ST3GAL2: variants seen among roughly 807,000 people sequenced by gnomAD.
ST3GAL2 encodes CMP-N-acetylneuraminate-beta-galactosamide-alpha-2,3-sialyltransferase 2.
In ST3GAL2, 16 loss-of-function variants were observed where a neutral mutation model predicts 37.5. The ratio of observed to expected loss-of-function variants is 0.43; its 90% CI spans 0.29 to 0.65. ST3GAL2 has a LOEUF of 0.65. Among genes scored for constraint, ST3GAL2 ranks in the 30% least tolerant of loss-of-function variants. The pLI is 0.17. For missense variants in ST3GAL2, 383 were observed against 487.8 expected (o/e 0.79, Z 2.02); for synonymous variants, 238 against 202.9 (o/e 1.17, Z -1.47).
At chr16:70,386,180 C>T (rs898424611) in intron 4 of ST3GAL2, among the ~76,000 whole-genome samples, 5 of 151,818 alleles carry the variant, frequency 3.3e-5, no homozygotes, top group African/African-American at 1.2e-4. Flanking sequence ...GCCACCACAC[C>T]CAGCTAGTTT....
chr16:70,383,320 G>A, intron 4 of ST3GAL2, 85 bp from the exon 5 acceptor site: 1 of 1,370,756 alleles, frequency 7.3e-7, no homozygotes, highest in South Asian at 1.3e-5. Flanking sequence ...GGAGGCTGAG[G>A]CAGGTGGATC....
At position 70,398,571 on chromosome 16, in the gene ST3GAL2, T is replaced by A. The variant is rs776343416; in HGVS notation, c.-41A>T. 9.8e-6 allele frequency: 15 copies of A among 1,528,906 alleles called. No individual in the cohort carries two copies. In the South Asian group the frequency reaches 1.8e-4, roughly 18 times the overall value. The allele number at this position is 1,528,906 out of a possible 1,614,324, so 94.7% of individuals were successfully genotyped here. On this transcript the variant is annotated 5_prime_UTR_variant, in exon 2 of 7. It introduces an in-frame stop codon into an upstream open reading frame of the 5' UTR. Transcript: ENST00000342907. ...GTGACGGTCACCGTGGCCACTCTTT[T>A]CCCAGCCCGCTGAGGGGCCAGCCAC...
chr16:70,394,367 G>A (rs945358423), intron 3 of ST3GAL2, among the ~76,000 whole-genome samples: 3 of 152,120 alleles, frequency 2.0e-5, no homozygotes, highest in Non-Finnish European at 4.4e-5. Flanking sequence ...GGAGGACAGG[G>A]CCGGCTTCTG....
At chr16:70,430,278 C>G (rs1445449304) in intron 1 of ST3GAL2, among the ~76,000 whole-genome samples, 4 of 152,372 alleles carry the variant, frequency 2.6e-5, no homozygotes, top group African/African-American at 7.2e-5. Flanking sequence ...ATACCTCAGC[C>G]AGGTCTGAAG....
chr16:70,433,048 C>T (rs528393711), intron 1 of ST3GAL2, among the ~76,000 whole-genome samples: 4 of 152,364 alleles, frequency 2.6e-5, no homozygotes, highest in African/African-American at 7.2e-5. Context: ...AAGCACACAG[C>T]TCCTCCAAAG....
At chr16:70,396,660 G>A (rs1042939337) in intron 2 of ST3GAL2, among the ~76,000 whole-genome samples, 6 of 152,168 alleles carry the variant, frequency 3.9e-5, no homozygotes, top group East Asian at 1.9e-4. Context: ...CCTGGTCCTC[G>A]GGCACTCTTG....
Position 70,393,086 on chromosome 16 carries a change from A to T in ST3GAL2, c.533+1896T>A, listed in dbSNP as rs900997388. 3.7e-5 allele frequency among the ~76,000 whole-genome samples: 5 copies of T among 135,718 alleles called. No individual in the cohort carries two copies. The East Asian group carries it at 6.4e-4, about 17-fold the overall frequency. 89.0% of individuals were successfully genotyped at this position (135,718 alleles called of 152,430 possible). On this transcript the variant is annotated intron_variant, in intron 3 of 6. Transcript: ENST00000342907. ...GGCCCCTGTGAGGAAGCATCTATAAATTTTTTTTTTTTTTTTGAGACAGAG... is the reference window on the plus strand; with the variant it reads ...GGCCCCTGTGAGGAAGCATCTATAATTTTTTTTTTTTTTTTTGAGACAGAG...
chr16:70,417,386 G>A (rs537329818), intron 1 of ST3GAL2, among the ~76,000 whole-genome samples: 8 of 152,146 alleles, frequency 5.3e-5, no homozygotes, highest in Admixed American at 2.6e-4. Flanking sequence ...GGAAGGTTGC[G>A]GTTTCAGGGC....
At chr16:70,432,936 T>C (rs1221747645) in intron 1 of ST3GAL2, among the ~76,000 whole-genome samples, 3 of 152,226 alleles carry the variant, frequency 2.0e-5, no homozygotes, top group East Asian at 3.9e-4. Flanking sequence ...CCCAGCTGTG[T>C]CCACCACATA....
chr16:70,398,290 C>A lies in ST3GAL2; in HGVS notation c.241G>T (p.Ala81Ser), dbSNP rs1346603686. 1 of 1,613,368 alleles carries A rather than the reference C, an allele frequency of 6.2e-7. No homozygotes were observed. The change falls in exon 2 of 7, where the codon GCC (alanine) becomes TCC (serine). Residue 81 changes from alanine (A) to serine (S), a missense_variant. Transcript: ENST00000342907. ...ACRRCMGDAG[A>S]SDWFDSHFDG... ...AAGTGGCTGTCAAACCAGTCGGAGG[C>A]ACCGGCATCGCCCATGCAGCGGCGA...
intron 1 of ST3GAL2, among the ~76,000 whole-genome samples, chr16:70,404,718 T>C (rs1203830480): frequency 6.6e-6 from 1 of 152,022 alleles, no homozygotes; most frequent in African/African-American, 2.4e-5. Flanking sequence ...TCAAGAGAAA[T>C]GAAAACTTAG....
At chr16:70,410,214 G>C (rs1009322979) in intron 1 of ST3GAL2, among the ~76,000 whole-genome samples, 6 of 135,410 alleles carry the variant, frequency 4.4e-5, no homozygotes, top group African/African-American at 1.7e-4. Flanking sequence ...TCCTGACTTG[G>C]GTTGACATAT....
rs76319129 is a variant in ST3GAL2 at position 70,409,668 on chromosome 16, C to T, written c.-1003-10135G>A. ...TTTTTCCCCCTTTTTGAGACAGGAT[C>T]TCACTCTGCTGCCCAGACTGGAATG... On this transcript the variant is annotated intron_variant, in intron 1 of 6. Transcript: ENST00000342907. Among the ~76,000 whole-genome samples, 972 of 152,054 alleles carry T rather than the reference C, an allele frequency of 6.4e-3. 13 individuals are homozygous for T. Among genetic ancestry groups the T allele is most frequent in the African/African-American group, 0.022 (909 of 41,464 alleles).
chr16:70,401,386 G>C, intron 1 of ST3GAL2, among the ~76,000 whole-genome samples: 1 of 148,676 alleles, frequency 6.7e-6, no homozygotes, highest in East Asian at 1.9e-4. Context: ...GGAAAGAGCA[G>C]AGAAGTAGAG....
At chr16:70,382,780 C>G in intron 6 of ST3GAL2, 25 bp downstream of exon 6, 1 of 1,613,650 alleles carries the variant, frequency 6.2e-7, no homozygotes, top group Non-Finnish European at 8.5e-7. Flanking sequence ...TGGGTTCCCA[C>G]CACCCACACC....
intron 1 of ST3GAL2, among the ~76,000 whole-genome samples, chr16:70,428,251 C>A (rs1056363541): frequency 6.6e-6 from 1 of 152,200 alleles, no homozygotes; most frequent in Admixed American, 6.5e-5. Flanking sequence ...GGTGGCCAGG[C>A]AGGGGAAACC....
At chr16:70,390,431 A>G (rs748788595) in intron 3 of ST3GAL2, among the ~76,000 whole-genome samples, 1 of 152,196 alleles carries the variant, frequency 6.6e-6, no homozygotes, top group African/African-American at 2.4e-5. Flanking sequence ...CTTCCACTTC[A>G]CTTGGCTGTT....
chr16:70,429,734 C>G (rs1278774173), intron 1 of ST3GAL2, among the ~76,000 whole-genome samples: 1 of 150,330 alleles, frequency 6.7e-6, no homozygotes, highest in South Asian at 2.1e-4. Flanking sequence ...CTCCACCTCC[C>G]AGGTTCAAGT....
chr16:70,420,997 C>A (rs1200212886), intron 1 of ST3GAL2, among the ~76,000 whole-genome samples: 1 of 152,216 alleles, frequency 6.6e-6, no homozygotes, highest in African/African-American at 2.4e-5. Context: ...CATTGTGAGC[C>A]CACGGCCAGC....
Sources: allele counts gnomAD v4.1 joint callset (sites outside exome capture counted in the v4.1 genomes callset), GRCh38; gene constraint gnomAD v4.1.1; transcripts MANE v1.5; gene names NCBI Gene and HGNC (gene_info 2026-07-23, HGNC 2026-07-21).